Variants in FAM161B observed in about 807,000 individuals in gnomAD.
FAM161B encodes the protein FAM161 centrosomal protein B, also known as protein FAM161B.
A neutral mutation model predicts 61.5 loss-of-function variants in FAM161B; 46 were observed. The ratio of observed to expected loss-of-function variants is 0.75; its 90% CI spans 0.59 to 0.96. FAM161B has a LOEUF of 0.96. Ranked by LOEUF, FAM161B falls within the 40% of genes least tolerant of loss-of-function variation. FAM161B has a pLI of 0.00. For synonymous variants in FAM161B, 284 were observed against 302.7 expected (o/e 0.94, Z 0.64); for missense variants, 774 against 800.7 (o/e 0.97, Z 0.40).
the FAM161B span, chr14:73,924,622 A>G: frequency 7.0e-6 from 3 of 426,644 alleles, no homozygotes; most frequent in Non-Finnish European, 1.4e-5. Context: ...TGTAGCTTGG[A>G]TCCTTTCAGT....
chr14:73,932,808 G>A lies in FAM161B; in HGVS notation c.*1448C>T, dbSNP rs542481021. The A allele has an allele frequency of 4.7e-6, 1 of 214,776 alleles. No individual in the cohort carries two copies. The highest frequency in any genetic ancestry group is 2.3e-5 in the African/African-American group (1 of 42,880). 13.3% of individuals were successfully genotyped at this position (214,776 alleles called of 1,614,324 possible). A position where few individuals can be genotyped will look rare whatever the true frequency, so the allele number is the denominator to read the frequency against. ...CCAGCTAACTTTTTGTGGTTTTTTT[G>A]GTAGAAATGAGGTCTGTGTTGCCCA... is the stretch of plus-strand genomic sequence containing the variant. On this transcript the variant is annotated 3_prime_UTR_variant, in exon 9 of 9. Coordinates refer to ENST00000286544, the MANE Select transcript of FAM161B (RefSeq NM_152445.3).
Position 73,935,958 on chromosome 14 carries a change from T to TA in FAM161B, c.1795_1796insT (p.Asp599ValfsTer63). On this transcript the variant is annotated frameshift_variant, in exon 8 of 9. Transcript: ENST00000286544. LOFTEE classifies it low-confidence loss of function (END_TRUNC). ...CAACATTTCAGGTTACCTGGGAAAA[T>TA]CCTTGATTTTGGTCTCTTTCTCTTG... 1 of 1,607,582 alleles carries TA rather than the reference T, an allele frequency of 6.2e-7. No individual in the cohort carries two copies.
intron 4 of FAM161B, 133 bp from the exon 5 acceptor site, chr14:73,941,186 C>T (rs2056015749): frequency 7.2e-6 from 8 of 1,117,044 alleles, no homozygotes; most frequent in South Asian, 3.0e-5. Context: ...GGCGCAATCT[C>T]GGCTCACTGC....
At chr14:73,946,031 T>C (rs1166666653) in intron 2 of FAM161B, among the ~76,000 whole-genome samples, 2 of 152,178 alleles carry the variant, frequency 1.3e-5, no homozygotes, top group African/African-American at 4.8e-5. Context: ...TGTGAGCCCC[T>C]GCACCTGAGG....
the FAM161B span, chr14:73,923,650 T>G: frequency 1.6e-6 from 2 of 1,275,708 alleles, no homozygotes; most frequent in Non-Finnish European, 2.2e-6. Context: ...TTCCTTTAAA[T>G]TAAGCATGAG....
chr14:73,935,966 T>C lies in FAM161B; in HGVS notation c.1788A>G (p.Lys596=). Residue 596 remains lysine (K), a synonymous_variant, in exon 8 of 9, where the codon AAA becomes AAG. Transcript: ENST00000286544. Reference sequence around the variant, plus strand: ...CAGGTTACCTGGGAAAATCCTTGATTTTGGTCTCTTTCTCTTGAACAGCCC... The same window carrying C: ...CAGGTTACCTGGGAAAATCCTTGATCTTGGTCTCTTTCTCTTGAACAGCCC... ...GTRAVQEKET[K]IKDFPRFQET... 1 of 1,609,548 alleles carries C rather than the reference T, an allele frequency of 6.2e-7. No individual in the cohort carries two copies. Among genetic ancestry groups the C allele is most frequent in the Non-Finnish European group, 8.5e-7 (1 of 1,177,336 alleles).
At chr14:73,941,108 C>CTTTTT (rs11358501) in intron 4 of FAM161B, 55 bp from the exon 5 acceptor site, 21 of 956,680 alleles carry the variant, frequency 2.2e-5, no homozygotes, top group African/African-American at 1.6e-4. Context: ...TAGTTTCTAT[C>CTTTTT]TTTTTTTTTT....
chr14:73,944,216 G>A lies in FAM161B; in HGVS notation c.925+119C>T. On this transcript the variant is annotated intron_variant, in intron 3 of 8. Coordinates refer to ENST00000286544, the MANE Select transcript of FAM161B (RefSeq NM_152445.3). ...GCCTGCACTAAGCGTGCAGCCTCTA[G>A]TGGGTCCACCCAAGCAGCAAATCTC... is the stretch of plus-strand genomic sequence containing the variant. 3 of 1,474,244 alleles carry A rather than the reference G, an allele frequency of 2.0e-6. No individual in the cohort carries two copies. The South Asian group carries it at 4.1e-5, about 20-fold the overall frequency. 91.3% of individuals were successfully genotyped at this position (1,474,244 alleles called of 1,614,324 possible).
intron 5 of FAM161B, among the ~76,000 whole-genome samples, chr14:73,940,031 AC>A (rs2056004567): frequency 6.6e-6 from 1 of 152,138 alleles, no homozygotes; most frequent in Admixed American, 6.6e-5. Context: ...TATCCCTTGG[AC>A]CGTAAATACT....
At chr14:73,946,857 GGAAGT>G (rs993917242) in intron 1 of FAM161B, among the ~76,000 whole-genome samples, 3 of 152,024 alleles carry the variant, frequency 2.0e-5, no homozygotes, top group African/African-American at 7.2e-5. Flanking sequence ...GGATGGAGAG[GGAAGT>G]GAAGAGCTGA....
rs920295870 is a variant in FAM161B, at chr14:73,941,342, G to A, written c.1273-289C>T. ...TCACCATGTTGGTCAGGCTGGTCTC[G>A]AATTCCTGATCTCAGGTGATCCACC... On this transcript the variant is annotated intron_variant, in intron 4 of 8. Transcript: ENST00000286544. 2.0e-4 allele frequency among the ~76,000 whole-genome samples: 30 copies of A among 152,166 alleles called. No individual in the cohort carries two copies. In the East Asian group the frequency reaches 3.7e-3, roughly 19 times the overall value.
the FAM161B span, chr14:73,923,264 C>T: frequency 4.1e-5 from 44 of 1,076,118 alleles, no homozygotes; most frequent in Non-Finnish European, 5.5e-5. Flanking sequence ...ACAGGATTAA[C>T]TTGGAAGAAA....
downstream of FAM161B, chr14:73,927,090 T>TA (rs59701353): frequency 5.2e-5 from 2 of 38,604 alleles, no homozygotes; most frequent in African/African-American, 1.9e-4. Flanking sequence ...TTTATTATGA[T>TA]TTTTTTTTTT....
chr14:73,936,150 C>T (rs1396287574), intron 7 of FAM161B, 62 bp from the exon 8 acceptor site: 3 of 1,509,368 alleles, frequency 2.0e-6, no homozygotes, highest in East Asian at 4.7e-5. Flanking sequence ...TTCTAAATTA[C>T]TTAATCAGTA....
chr14:73,948,389 A>G (rs1353486948), intron 1 of FAM161B, among the ~76,000 whole-genome samples: 1 of 152,232 alleles, frequency 6.6e-6, no homozygotes, highest in Non-Finnish European at 1.5e-5. Context: ...ATCTATGCCT[A>G]TGACAGTCTG....
Position 73,942,426 on chromosome 14 carries a change from G to A in FAM161B, c.1215C>T (p.Thr405=), listed in dbSNP as rs1239088186. Residue 405 remains threonine (T), a synonymous_variant, in exon 4 of 9, where the codon ACC becomes ACT. Transcript: ENST00000286544. ...ATRNKPFLLR[T]ANLRHPQRPC... ...GCCGCTGAGGGTGGCGCAGGTTGGC[G>A]GTCCTCAGCAAGAAGGGCTTGTTGC... 4.3e-6 allele frequency: 7 copies of A among 1,614,032 alleles called. No homozygotes were observed. Among genetic ancestry groups the A allele is most frequent in the Non-Finnish European group, 5.9e-6 (7 of 1,180,040 alleles).
chr14:73,943,129 A>G (rs2056033963), intron 3 of FAM161B, among the ~76,000 whole-genome samples: 1 of 152,034 alleles, frequency 6.6e-6, no homozygotes, highest in Non-Finnish European at 1.5e-5. Flanking sequence ...GAAAGGCCCT[A>G]CCATCCACCC....
chr14:73,932,022 C>T (rs147590512), downstream of FAM161B: 656 of 456,470 alleles, frequency 1.4e-3, 7 homozygotes, highest in South Asian at 3.7e-3. Flanking sequence ...TCTCTTGTTA[C>T]ATTCTCCCTT....
intron 8 of FAM161B, 117 bp downstream of exon 8, chr14:73,935,832 A>G: frequency 2.5e-6 from 3 of 1,178,568 alleles, no homozygotes; most frequent in Middle Eastern, 5.8e-4. Context: ...TTAATGTTAC[A>G]TAAATACAGG....
Sources: allele counts gnomAD v4.1 joint callset (sites outside exome capture counted in the v4.1 genomes callset), GRCh38; gene constraint gnomAD v4.1.1; transcripts MANE v1.5; gene names NCBI Gene and HGNC (gene_info 2026-07-23, HGNC 2026-07-21).